Variants in ZCCHC14 observed in about 807,000 individuals in gnomAD.
The protein encoded by ZCCHC14 is zinc finger CCHC domain-containing protein 14.
Under a neutral mutation model 85.0 loss-of-function variants are expected in ZCCHC14, and 16 were observed. The observed-to-expected ratio is 0.19, with a 90% CI of 0.13 to 0.29. The LOEUF (loss-of-function observed/expected upper bound fraction) is 0.29. Ranked by LOEUF, ZCCHC14 falls within the 10% of genes least tolerant of loss-of-function variation. The pLI is 1.00. For synonymous variants in ZCCHC14, 775 were observed against 630.7 expected (o/e 1.23, Z -3.43); for missense variants, 1,303 against 1,443.5 (o/e 0.90, Z 1.58).
At chr16:87,442,141 G>A (rs1466737207) in intron 2 of ZCCHC14, among the ~76,000 whole-genome samples, 4 of 152,196 alleles carry the variant, frequency 2.6e-5, no homozygotes, top group African/African-American at 9.7e-5. Context: ...GTTCACCCGG[G>A]GGCTGCACAT....
chr16:87,455,119 T>C (rs560170840), intron 2 of ZCCHC14, among the ~76,000 whole-genome samples: 34 of 152,134 alleles, frequency 2.2e-4, no homozygotes, highest in African/African-American at 7.2e-4. Context: ...AGAAACCCCA[T>C]CTCTACTAAA....
chr16:87,412,343 G>T lies in ZCCHC14; in HGVS notation c.2378C>A (p.Ser793Tyr). 1 of 1,614,156 alleles carries T rather than the reference G, an allele frequency of 6.2e-7. No individual in the cohort carries two copies. The highest frequency in any genetic ancestry group is 8.5e-7 in the Non-Finnish European group (1 of 1,180,048). Residue 793 changes from serine to tyrosine, a missense_variant, in exon 12 of 13, where the codon TCC (serine) becomes TAC (tyrosine). Physicochemically the swap from Ser to Tyr is moderately radical, Grantham distance 144. This residue lies in a region of ZCCHC14 where 797 missense variants were observed against 730.8 expected (regional missense o/e 1.09). Coordinates refer to ENST00000671377, the MANE Select transcript of ZCCHC14 (RefSeq NM_015144.3). ...PADSAISGQT[S>Y]CPNNVQISVP... is the part of the protein sequence containing the mutation. ...ACTTATTTGCACATTATTAGGACAG[G>T]AAGTTTGCCCAGAAATGGCAGAATC...
chr16:87,435,459 ACCCCGT>A (rs1380728535), intron 2 of ZCCHC14, among the ~76,000 whole-genome samples: 2 of 152,094 alleles, frequency 1.3e-5, no homozygotes, highest in African/African-American at 4.8e-5. Flanking sequence ...CTCTGTGGCC[ACCCCGT>A]GATACCATGG....
chr16:87,421,313 G>C (rs1471838903), intron 4 of ZCCHC14, among the ~76,000 whole-genome samples: 1 of 152,174 alleles, frequency 6.6e-6, no homozygotes, highest in African/African-American at 2.4e-5. Context: ...AATTGCTCCT[G>C]GCCCCAGAGC....
At chr16:87,426,444 C>T (rs576562240) in intron 3 of ZCCHC14, among the ~76,000 whole-genome samples, 1 of 152,344 alleles carries the variant, frequency 6.6e-6, no homozygotes, top group South Asian at 2.1e-4. Context: ...CTTATCTGGA[C>T]GAATTGTAAT....
chr16:87,411,711 G>C lies in ZCCHC14; in HGVS notation c.3010C>G (p.Gln1004Glu), dbSNP rs779298220. ...ATGGGTGGCACGGCAAACGTGGACT[G>C]CCCACTCAGGACAGGGTCTGGGGTC... is the stretch of plus-strand genomic sequence containing the variant. ...SGTPDPVLSG[Q>E]STFAVPPMQN... The change falls in exon 12 of 13, where the codon CAG (glutamine) becomes GAG (glutamate). Residue 1004 changes from glutamine to glutamate, a missense_variant. Physicochemically the swap from Gln to Glu is conservative, Grantham distance 29. This residue lies in a region of ZCCHC14 where 797 missense variants were observed against 730.8 expected (regional missense o/e 1.09). Coordinates refer to ENST00000671377, the MANE Select transcript of ZCCHC14 (RefSeq NM_015144.3). The C allele has an allele frequency of 2.0e-5, 32 of 1,614,076 alleles. No homozygotes were observed. The Admixed American group carries it at 5.0e-4, about 25-fold the overall frequency.
intron 2 of ZCCHC14, 28 bp from the exon 3 acceptor site, chr16:87,433,229 T>C: frequency 6.2e-7 from 1 of 1,600,828 alleles, no homozygotes; most frequent in Non-Finnish European, 8.6e-7. Context: ...AAAACAAAAA[T>C]GAAATAAGAG....
intron 1 of ZCCHC14, among the ~76,000 whole-genome samples, chr16:87,469,585 A>G (rs1911687533): frequency 6.6e-6 from 1 of 152,260 alleles, no homozygotes; most frequent in African/African-American, 2.4e-5. Context: ...GTGAGAATTC[A>G]GTAAAATGCA....
intron 2 of ZCCHC14, among the ~76,000 whole-genome samples, chr16:87,453,271 C>A (rs910400024): frequency 2.0e-5 from 3 of 152,230 alleles, no homozygotes; most frequent in Non-Finnish European, 4.4e-5. Flanking sequence ...TCCTACAGGA[C>A]CAACCCTTCC....
intron 2 of ZCCHC14, among the ~76,000 whole-genome samples, chr16:87,448,128 G>A (rs1264419473): frequency 1.3e-5 from 2 of 152,120 alleles, no homozygotes; most frequent in African/African-American, 2.4e-5. Flanking sequence ...AATCATTAAC[G>A]TCTTCCATTT....
rs186505464 is a variant in ZCCHC14 at position 87,464,396 on chromosome 16, C to T, written c.571-4265G>A. 3.6e-3 allele frequency among the ~76,000 whole-genome samples: 548 copies of T among 152,308 alleles called. 1 individual carries two copies. Among genetic ancestry groups the T allele is most frequent in the Admixed American group, 0.017 (262 of 15,284 alleles). On this transcript the variant is annotated intron_variant, in intron 1 of 12. Transcript: ENST00000671377. ...TCTAATTTGCAGCTAGGCTAAGAAC[C>T]AACCACGACCCCAAGTCCAGGTTTT...
intron 8 of ZCCHC14, 71 bp from the exon 9 acceptor site, chr16:87,415,438 T>A: frequency 7.6e-7 from 1 of 1,310,818 alleles, no homozygotes; most frequent in Non-Finnish European, 1.1e-6. Context: ...GAACTTGGAG[T>A]TGAATTCAGT....
chr16:87,467,738 G>A lies in ZCCHC14; in HGVS notation c.571-7607C>T, dbSNP rs145768692. 766 of 586,198 alleles carry A rather than the reference G, an allele frequency of 1.3e-3. 5 individuals are homozygous for A. The highest frequency in any genetic ancestry group is 0.013 in the African/African-American group (683 of 53,964). The allele number at this position is 586,198 out of a possible 1,614,324, so 36.3% of individuals were successfully genotyped here. On this transcript the variant is annotated intron_variant, in intron 1 of 12. Coordinates refer to ENST00000671377, the MANE Select transcript of ZCCHC14 (RefSeq NM_015144.3). ...GCGATCTTGGCTCACTGCAAGCTCC[G>A]CCTCCCGGGTTCACACCATTCTCCT...
chr16:87,412,723 A>G lies in ZCCHC14; in HGVS notation c.1998T>C (p.Ser666=). The G allele has an allele frequency of 6.2e-7, 1 of 1,614,240 alleles. No homozygotes were observed. The highest frequency in any genetic ancestry group is 8.5e-7 in the Non-Finnish European group (1 of 1,180,034). The change falls in exon 12 of 13, where the codon TCT becomes TCC. Residue 666 remains serine, a synonymous_variant. Transcript: ENST00000671377. ...GSADMKLLSS[S]VHSLLSLEER... ...CTTCTAGAGACAAAAGTGAGTGCAC[A>G]GAAGACGAGAGGAGCTTCATGTCCG...
intron 1 of ZCCHC14, among the ~76,000 whole-genome samples, chr16:87,476,941 A>G (rs1912032368): frequency 6.6e-6 from 1 of 151,872 alleles, no homozygotes; most frequent in South Asian, 2.1e-4. Context: ...CCTGACCAAC[A>G]TGGTGAAACC....
rs1456469703 is a variant in ZCCHC14, at chr16:87,491,392, G to A, written c.570+277C>T. On this transcript the variant is annotated intron_variant, in intron 1 of 12. Coordinates refer to ENST00000671377, the MANE Select transcript of ZCCHC14 (RefSeq NM_015144.3). This position sits in a 1 kb window ranked among gnomAD's most constrained non-coding sequence, Gnocchi z 5.9. The stretch of plus-strand genomic sequence containing the variant: ...GTGCGGGCTTAGGATGGGGGCTTGG[G>A]ATGTACGGCGGAGGCTTGGGATGTA... Among the ~76,000 whole-genome samples, 2 of 144,838 alleles carry A rather than the reference G, an allele frequency of 1.4e-5. No individual in the cohort carries two copies. Among genetic ancestry groups the A allele is most frequent in the Non-Finnish European group, 3.0e-5 (2 of 67,454 alleles).
chr16:87,435,639 C>A (rs1909884955), intron 2 of ZCCHC14, among the ~76,000 whole-genome samples: 1 of 152,226 alleles, frequency 6.6e-6, no homozygotes, highest in Admixed American at 6.5e-5. Context: ...CCTGCAGGTG[C>A]TGTGAGGGTC....
chr16:87,437,332 C>A (rs2150741392), intron 2 of ZCCHC14, among the ~76,000 whole-genome samples: 1 of 77,728 alleles, frequency 1.3e-5, no homozygotes, highest in Non-Finnish European at 2.5e-5. Flanking sequence ...AGTGAAATTC[C>A]ATCTCAAAAA....
At chr16:87,451,832 A>C (rs1910720084) in intron 2 of ZCCHC14, among the ~76,000 whole-genome samples, 1 of 152,252 alleles carries the variant, frequency 6.6e-6, no homozygotes, top group African/African-American at 2.4e-5. Flanking sequence ...GTGACACCAC[A>C]GTGAACACGG....
Sources: allele counts gnomAD v4.1 joint callset (sites outside exome capture counted in the v4.1 genomes callset), GRCh38; gene constraint gnomAD v4.1.1; regional missense constraint gnomAD v4.1.1; non-coding constraint Gnocchi (gnomAD v3.1); transcripts MANE v1.5; gene names NCBI Gene and HGNC (gene_info 2026-07-23, HGNC 2026-07-21).